PLA2G6: variants seen among roughly 807,000 people sequenced by gnomAD.
The protein encoded by PLA2G6 is 85/88 kDa calcium-independent phospholipase A2.
A neutral mutation model predicts 83.8 loss-of-function variants in PLA2G6; 62 were observed. The observed-to-expected ratio is 0.74, with a 90% CI of 0.60 to 0.91. The LOEUF (loss-of-function observed/expected upper bound fraction) is 0.91, where lower values mean the gene tolerates loss of function less well. Ranked by LOEUF, PLA2G6 falls within the 40% of genes least tolerant of loss-of-function variation. The probability of loss-of-function intolerance (pLI) is 0.00; values close to 1 mark genes in which losing one functional copy is unlikely to be tolerated. For synonymous variants in PLA2G6, 417 were observed against 449.8 expected, an observed-to-expected ratio of 0.93 and a Z score of 0.92; for missense variants, 944 against 1,102.0, an observed-to-expected ratio of 0.86 and a Z score of 2.03.
At chr22:38,168,600 A>G (rs2090313074) in intron 2 of PLA2G6, among the ~76,000 whole-genome samples, 1 of 152,236 alleles carries the variant, frequency 6.6e-6, no homozygotes, top group Non-Finnish European at 1.5e-5. Context: ...CTGCAATCCC[A>G]GCACTTTGGG....
chr22:38,169,351 C>T lies in PLA2G6; in HGVS notation c.76G>A (p.Glu26Lys), dbSNP rs2090347074. The change falls in exon 2 of 17, where the codon GAG becomes AAG. Residue 26 changes from glutamate to lysine, a missense_variant. By Grantham distance (56) the Glu-to-Lys change is moderately conservative. Coordinates refer to ENST00000332509, the MANE Select transcript of PLA2G6 (RefSeq NM_003560.4). Reference sequence around the variant, plus strand: ...GAGGTGTAGTCGGCCACAGCCACCTCCTTCACCCGGAATGGGTTAGAGAAC... The same window carrying T: ...GAGGTGTAGTCGGCCACAGCCACCTTCTTCACCCGGAATGGGTTAGAGAAC... Reference protein sequence around the residue: ...NLFSNPFRVKEVAVADYTSSD... With the variant: ...NLFSNPFRVKKVAVADYTSSD... 6.2e-7 allele frequency: 1 copy of T among 1,614,098 alleles called. No homozygotes were observed. The highest frequency in any genetic ancestry group is 1.7e-5 in the Admixed American group (1 of 60,012).
At chr22:38,133,369 C>A in intron 6 of PLA2G6, 1 of 328,394 alleles carries the variant, frequency 3.0e-6, no homozygotes, top group Non-Finnish European at 5.8e-6. Flanking sequence ...AAAGGTATCA[C>A]CTCTCACTGG....
At chr22:38,135,238 C>A in intron 5 of PLA2G6, 154 bp from the exon 6 acceptor site, 1 of 649,464 alleles carries the variant, frequency 1.5e-6, no homozygotes. Flanking sequence ...ATGGTTAAGG[C>A]TGTACTGAGC....
At chr22:38,125,816 A>G in intron 10 of PLA2G6, 1 of 431,254 alleles carries the variant, frequency 2.3e-6, no homozygotes. Flanking sequence ...CTGGAAACGC[A>G]TTTGTCCTGG....
chr22:38,115,437 G>C (rs1768747872), intron 14 of PLA2G6, 90 bp downstream of exon 14: 1 of 1,232,482 alleles, frequency 8.1e-7, no homozygotes, highest in Non-Finnish European at 1.2e-6. Context: ...GCCACCTGCT[G>C]TCCTGGGGGT....
intron 9 of PLA2G6, chr22:38,127,280 CG>C: frequency 2.4e-6 from 3 of 1,245,292 alleles, no homozygotes; most frequent in South Asian, 1.4e-5. Context: ...TGAGAGAGGC[CG>C]GGGACAGGGT....
intron 1 of PLA2G6, among the ~76,000 whole-genome samples, chr22:38,178,576 A>G (rs1242698879): frequency 6.6e-6 from 1 of 151,946 alleles, no homozygotes; most frequent in African/African-American, 2.4e-5. Flanking sequence ...GTCTTAAAAC[A>G]AAACAAGGCC....
At chr22:38,171,654 A>C (rs2090443019) in intron 1 of PLA2G6, among the ~76,000 whole-genome samples, 1 of 151,978 alleles carries the variant, frequency 6.6e-6, no homozygotes, top group African/African-American at 2.4e-5. Flanking sequence ...CTCCGTCTCT[A>C]CTAAAAATAT....
chr22:38,170,471 C>T (rs1033366866), intron 1 of PLA2G6, among the ~76,000 whole-genome samples: 2 of 151,946 alleles, frequency 1.3e-5, no homozygotes, highest in Non-Finnish European at 2.9e-5. Flanking sequence ...AGATGCCATT[C>T]GAGACTCAGG....
In PLA2G6 at chr22:38,116,219, G is replaced by C. The variant is rs1476257436; in HGVS notation, c.1743-8C>G. On this transcript the variant is annotated splice_polypyrimidine_tract_variant and splice_region_variant and intron_variant, in intron 12 of 16. Coordinates refer to ENST00000332509, the MANE Select transcript of PLA2G6 (RefSeq NM_003560.4). ...GTCCCTGTCAGCATCACCCTGGAGAGAAATGAGGCAGGAGGACGGCTGAGC... is the reference window on the plus strand; with the variant it reads ...GTCCCTGTCAGCATCACCCTGGAGACAAATGAGGCAGGAGGACGGCTGAGC... 1 of 1,613,962 alleles carries C rather than the reference G, an allele frequency of 6.2e-7. No individual in the cohort carries two copies. Among genetic ancestry groups the C allele is most frequent in the Non-Finnish European group, 8.5e-7 (1 of 1,179,936 alleles).
rs573567045 is a variant in PLA2G6 at position 38,133,180 on chromosome 22, G to A, written c.895-167C>T. 4.9e-5 allele frequency: 32 copies of A among 656,780 alleles called. No homozygotes were observed. In the South Asian group the frequency reaches 4.9e-4, roughly 10 times the overall value. The allele number at this position is 656,780 out of a possible 1,614,324, so 40.7% of individuals were successfully genotyped here. A position where few individuals can be genotyped will look rare whatever the true frequency, so the allele number is the denominator to read the frequency against. On this transcript the variant is annotated intron_variant, in intron 6 of 16. Transcript: ENST00000332509. ...CAGGCCCCAGTTCTAGGGGGGCCTA[G>A]ACTGCCTCCCATCCCATCAGCATCC...
At position 38,132,592 on chromosome 22, in the gene PLA2G6, G is replaced by C. The variant is rs2088284723; in HGVS notation, c.1077+239C>G. The C allele has an allele frequency of 5.2e-6, 3 of 579,548 alleles. No homozygotes were observed. Among genetic ancestry groups the C allele is most frequent in the Non-Finnish European group, 9.2e-6 (3 of 324,586 alleles). 35.9% of individuals were successfully genotyped at this position (579,548 alleles called of 1,614,324 possible). A position where few individuals can be genotyped will look rare whatever the true frequency, so the allele number is the denominator to read the frequency against. Reference sequence around the variant, plus strand: ...TCTCGTGCCATGCAAGTGCCAAATGGGGGCACAGGTGGAAAAGGTACCACA... The same window carrying C: ...TCTCGTGCCATGCAAGTGCCAAATGCGGGCACAGGTGGAAAAGGTACCACA... On this transcript the variant is annotated intron_variant, in intron 7 of 16. Coordinates refer to ENST00000332509, the MANE Select transcript of PLA2G6 (RefSeq NM_003560.4). This position sits in a 1 kb window ranked among gnomAD's most constrained non-coding sequence, Gnocchi z 5.0.
At chr22:38,127,197 G>C (rs1213880526) in intron 9 of PLA2G6, 10 of 1,185,942 alleles carry the variant, frequency 8.4e-6, no homozygotes, top group Non-Finnish European at 1.1e-5. Context: ...GCAGAACCGA[G>C]GGCTGCGAAG....
chr22:38,152,039 T>G (rs1252682519), intron 2 of PLA2G6, among the ~76,000 whole-genome samples: 2 of 152,174 alleles, frequency 1.3e-5, no homozygotes, highest in Non-Finnish European at 1.5e-5. Flanking sequence ...AATTTGGATT[T>G]CTGCCCCCCA....
intron 4 of PLA2G6, chr22:38,142,327 A>T (rs2088965861): frequency 6.6e-6 from 1 of 152,198 alleles, no homozygotes; most frequent in African/African-American, 2.4e-5. Flanking sequence ...ACATAATCCA[A>T]CATCCTGCCT....
intron 3 of PLA2G6, 51 bp downstream of exon 3, chr22:38,145,387 A>T: frequency 6.8e-7 from 1 of 1,460,842 alleles, no homozygotes; most frequent in Non-Finnish European, 9.4e-7. Flanking sequence ...CCCACTGCCC[A>T]CACAAGCAGG....
In PLA2G6 at chr22:38,128,070, G is replaced by A. The variant is rs2087976714; in HGVS notation, c.1348+199C>T. 4.9e-6 allele frequency: 3 copies of A among 607,086 alleles called. No homozygotes were observed. 37.6% of individuals were successfully genotyped at this position (607,086 alleles called of 1,614,324 possible). On this transcript the variant is annotated intron_variant, in intron 9 of 16. Coordinates refer to ENST00000332509, the MANE Select transcript of PLA2G6 (RefSeq NM_003560.4). This position sits in a 1 kb window ranked among gnomAD's most constrained non-coding sequence, Gnocchi z 4.4. ...CATCCTCTCAGGGGCAACGGAGCAT[G>A]GGACATCAGCCAGGGACACCCTAGG...
chr22:38,118,899 A>G (rs4821743), intron 12 of PLA2G6, among the ~76,000 whole-genome samples: 63,957 of 151,348 alleles, frequency 0.42, 13,944 homozygotes, highest in South Asian at 0.57. Flanking sequence ...GACTACAGCC[A>G]TAGTGCCACC....
intron 3 of PLA2G6, chr22:38,145,032 C>CCT (rs1556030782): frequency 8.6e-4 from 165 of 192,656 alleles, no homozygotes; most frequent in East Asian, 4.5e-3. Context: ...AACGCAGCAC[C>CCT]TTTTTTTTTT....
Sources: gnomAD v4.1 joint callset for allele counts (sites outside exome capture counted in the v4.1 genomes callset) on GRCh38, gnomAD v4.1.1 for gene constraint, Gnocchi (gnomAD v3.1) non-coding constraint, MANE v1.5 for transcripts, NCBI Gene and HGNC (gene_info 2026-07-23, HGNC 2026-07-21) for gene names.